The following ATF7IP2 variants were observed in gnomAD, a reference collection of about 807,000 sequenced individuals.
ATF7IP2 encodes the protein activating transcription factor 7 interacting protein 2.
A neutral mutation model predicts 64.2 loss-of-function variants in ATF7IP2; 42 were observed. The observed-to-expected ratio is 0.65, with a 90% CI of 0.51 to 0.85. The LOEUF is 0.85. Ranked by LOEUF, ATF7IP2 falls within the 40% of genes least tolerant of loss-of-function variation. The pLI is 0.00. For missense variants in ATF7IP2, 933 were observed against 784.2 expected, an observed-to-expected ratio of 1.19 and a Z score of -2.27; for synonymous variants, 308 against 272.8, an observed-to-expected ratio of 1.13 and a Z score of -1.27.
At chr16:10,455,645 A>G (rs112556230) in intron 8 of ATF7IP2, among the ~76,000 whole-genome samples, 369 of 152,302 alleles carry the variant, frequency 2.4e-3, no homozygotes, top group African/African-American at 8.5e-3. Context: ...AGCATGCTTT[A>G]TAAAAAGCCT....
At position 10,390,001 on chromosome 16, in the gene ATF7IP2, T is replaced by C. The variant is rs1446684603; in HGVS notation, c.-242+3879T>C. ...AGTCTTAAGACCCTCCGTTCAAATA[T>C]TGGCTGAAGTACCTGACTTTGAACA... On this transcript the variant is annotated intron_variant, in intron 1 of 13. Transcript: ENST00000562102. 3.9e-5 allele frequency among the ~76,000 whole-genome samples: 6 copies of C among 152,244 alleles called. No individual in the cohort carries two copies. In the East Asian group the frequency reaches 9.6e-4, roughly 24 times the overall value.
At chr16:10,409,981 A>G (rs2047720633) in intron 1 of ATF7IP2, among the ~76,000 whole-genome samples, 1 of 152,138 alleles carries the variant, frequency 6.6e-6, no homozygotes. Flanking sequence ...CTATGGCCTT[A>G]TAATGTAGTT....
chr16:10,473,554 T>C lies in ATF7IP2; in HGVS notation c.1482+20T>C. 2 of 1,470,632 alleles carry C rather than the reference T, an allele frequency of 1.4e-6. No individual in the cohort carries two copies. The highest frequency in any genetic ancestry group is 1.9e-6 in the Non-Finnish European group (2 of 1,063,890). The allele number at this position is 1,470,632 out of a possible 1,614,324, so 91.1% of individuals were successfully genotyped here. On this transcript the variant is annotated intron_variant, in intron 11 of 13. Coordinates refer to ENST00000562102, the MANE Select transcript of ATF7IP2 (RefSeq NM_001393719.1). ...GTTATGGTGAGTAATAAATATTGAC[T>C]CTGAATATTGTTTATTTAAATATGT...
intron 9 of ATF7IP2, among the ~76,000 whole-genome samples, chr16:10,469,792 C>T (rs1404557850): frequency 6.6e-6 from 1 of 151,144 alleles, no homozygotes; most frequent in African/African-American, 2.4e-5. Context: ...AAAAAAGGAA[C>T]AAAAAGTAAG....
intron 3 of ATF7IP2, among the ~76,000 whole-genome samples, chr16:10,424,056 T>A (rs2048037855): frequency 6.6e-6 from 1 of 152,226 alleles, no homozygotes; most frequent in Non-Finnish European, 1.5e-5. Flanking sequence ...TAGATTATAG[T>A]TTAAATCGGG....
intron 1 of ATF7IP2, among the ~76,000 whole-genome samples, chr16:10,397,599 G>T (rs921549189): frequency 1.6e-4 from 25 of 152,156 alleles, no homozygotes; most frequent in African/African-American, 6.0e-4. Flanking sequence ...AAAATGGGCT[G>T]GGCGTGGTGG....
intron 1 of ATF7IP2, among the ~76,000 whole-genome samples, chr16:10,391,821 G>A (rs555117816): frequency 3.3e-5 from 5 of 151,756 alleles, no homozygotes; most frequent in South Asian, 2.1e-4. Flanking sequence ...GCTTAAACCC[G>A]GGAGGTGGAG....
At chr16:10,448,903 A>G (rs2048896686) in intron 8 of ATF7IP2, 1 of 152,164 alleles carries the variant, frequency 6.6e-6, no homozygotes, top group Non-Finnish European at 1.5e-5. Flanking sequence ...TTCAAAGGGA[A>G]TGCTTCCAGT....
chr16:10,452,155 T>G lies in ATF7IP2; in HGVS notation c.1195-5217T>G, dbSNP rs571937242. On this transcript the variant is annotated intron_variant, in intron 8 of 13. Transcript: ENST00000562102. ...ACCCTCATTCTCCGTCCAGTTTTGGTCTGTTGCTGGCAAGTAGTTGTGATC... is the reference window on the plus strand; with the variant it reads ...ACCCTCATTCTCCGTCCAGTTTTGGGCTGTTGCTGGCAAGTAGTTGTGATC... 2.6e-5 allele frequency among the ~76,000 whole-genome samples: 4 copies of G among 152,294 alleles called. No individual in the cohort carries two copies. The South Asian group carries it at 8.3e-4, about 32-fold the overall frequency.
chr16:10,478,906 A>G (rs2050108586), intron 12 of ATF7IP2, among the ~76,000 whole-genome samples: 1 of 152,240 alleles, frequency 6.6e-6, no homozygotes, highest in Admixed American at 6.5e-5. Context: ...AAAAATGCTC[A>G]CCATCACTGG....
chr16:10,399,939 C>T (rs764702936), intron 1 of ATF7IP2, among the ~76,000 whole-genome samples: 34 of 152,146 alleles, frequency 2.2e-4, no homozygotes, highest in Admixed American at 9.2e-4. Context: ...TTTTATTTTA[C>T]GTTTTGTAGC....
chr16:10,448,583 G>C (rs2048885694), intron 8 of ATF7IP2: 1 of 152,156 alleles, frequency 6.6e-6, no homozygotes, highest in Non-Finnish European at 1.5e-5. Context: ...ATATAGGAAT[G>C]CTTGTGATTT....
At chr16:10,458,885 A>AT (rs1293225127) in intron 9 of ATF7IP2, among the ~76,000 whole-genome samples, 3 of 152,234 alleles carry the variant, frequency 2.0e-5, no homozygotes, top group African/African-American at 7.2e-5. Flanking sequence ...TCGTTTAACA[A>AT]TTAAACATCA....
intron 1 of ATF7IP2, among the ~76,000 whole-genome samples, chr16:10,404,030 G>A (rs1052537644): frequency 6.6e-6 from 1 of 152,088 alleles, no homozygotes; most frequent in Non-Finnish European, 1.5e-5. Flanking sequence ...AATAATTAAT[G>A]AAAACCTCCC....
intron 12 of ATF7IP2, among the ~76,000 whole-genome samples, chr16:10,476,603 C>T (rs1013835876): frequency 1.3e-5 from 2 of 152,076 alleles, no homozygotes; most frequent in Non-Finnish European, 2.9e-5. Context: ...CAACCCATCA[C>T]CTAAGTATTA....
rs2048582256 is a variant in ATF7IP2, at chr16:10,440,583, T to TA, written c.1194+122dup. 4 of 603,740 alleles carry TA rather than the reference T, an allele frequency of 6.6e-6. No individual in the cohort carries two copies. In the East Asian group the frequency reaches 1.4e-4, roughly 21 times the overall value. 37.4% of individuals were successfully genotyped at this position (603,740 alleles called of 1,614,324 possible). The stretch of plus-strand genomic sequence containing the variant: ...GTGTAAAGGTAAGTAAGTTTTTACT[T>TA]AGAGTGTTCCCATGCATCTGTCTCT... On this transcript the variant is annotated intron_variant, in intron 8 of 13. Transcript: ENST00000562102.
At chr16:10,452,225 T>C (rs563641816) in intron 8 of ATF7IP2, among the ~76,000 whole-genome samples, 1 of 152,296 alleles carries the variant, frequency 6.6e-6, no homozygotes, top group Non-Finnish European at 1.5e-5. Context: ...TTTTCAGCCT[T>C]TTTGGGCTGG....
At chr16:10,415,101 A>T (rs1026649589) in intron 2 of ATF7IP2, among the ~76,000 whole-genome samples, 1 of 152,316 alleles carries the variant, frequency 6.6e-6, no homozygotes. Flanking sequence ...CATCGATGAC[A>T]TTCTTCACAG....
At chr16:10,471,441 T>C (rs1325999414) in intron 9 of ATF7IP2, among the ~76,000 whole-genome samples, 1 of 151,980 alleles carries the variant, frequency 6.6e-6, no homozygotes, top group East Asian at 1.9e-4. Flanking sequence ...GGCAGGAGAA[T>C]CGCTTGAACC....
Sources: allele counts gnomAD v4.1 joint callset (sites outside exome capture counted in the v4.1 genomes callset), GRCh38; gene constraint gnomAD v4.1.1; transcripts MANE v1.5; gene names NCBI Gene and HGNC (gene_info 2026-07-23, HGNC 2026-07-21).